UTRN: variants seen among roughly 807,000 people sequenced by gnomAD.
The protein encoded by UTRN is utrophin.
In UTRN, 283 loss-of-function variants were observed where a neutral mutation model predicts 463.9. The observed-to-expected ratio is 0.61, with a 90% CI of 0.55 to 0.67. The LOEUF (loss-of-function observed/expected upper bound fraction) is 0.67, where lower values mean the gene tolerates loss of function less well. Ranked by LOEUF, UTRN falls within the 30% of genes least tolerant of loss-of-function variation. The probability of loss-of-function intolerance (pLI) is 0.00; values close to 1 mark genes in which losing one functional copy is unlikely to be tolerated. For synonymous variants in UTRN, 1,442 were observed against 1,431.5 expected, an observed-to-expected ratio of 1.01 and a Z score of -0.17; for missense variants, 3,922 against 4,084.3, an observed-to-expected ratio of 0.96 and a Z score of 1.08.
At position 144,602,462 on chromosome 6, in the gene UTRN, A is replaced by T. The variant is rs372917944; in HGVS notation, c.7479+25174A>T. ...CCTCCTACAGCATATTTCTCATCAC[A>T]AAAGATCACCAAACTTCTAAATAAA... On this transcript the variant is annotated intron_variant, in intron 51 of 74. Transcript: ENST00000367545. Among the ~76,000 whole-genome samples the T allele has an allele frequency of 1.1e-4, 16 of 152,258 alleles. No homozygotes were observed. In the East Asian group the frequency reaches 3.1e-3, roughly 29 times the overall value.
chr6:144,662,493 TC>T (rs1779974466), intron 51 of UTRN, among the ~76,000 whole-genome samples: 1 of 152,204 alleles, frequency 6.6e-6, no homozygotes, highest in Admixed American at 6.5e-5. Flanking sequence ...TCCTGTCTCT[TC>T]CTCAGTATTA....
chr6:144,708,357 T>TA, intron 53 of UTRN: 2 of 659,796 alleles, frequency 3.0e-6, no homozygotes, highest in Non-Finnish European at 5.8e-6. Flanking sequence ...ACTGAATCGA[T>TA]AAAAAAGAGT....
intron 2 of UTRN, among the ~76,000 whole-genome samples, chr6:144,317,709 C>G (rs1358896431): frequency 1.3e-5 from 2 of 152,176 alleles, no homozygotes; most frequent in Non-Finnish European, 1.5e-5. Context: ...AATCTGGTAT[C>G]TTGATAAATT....
chr6:144,777,069 C>T (rs915742670), intron 60 of UTRN, among the ~76,000 whole-genome samples: 1 of 152,094 alleles, frequency 6.6e-6, no homozygotes, highest in South Asian at 2.1e-4. Flanking sequence ...GCTTCTCCAT[C>T]ATGGGATGGA....
At chr6:144,676,284 G>A (rs1371800760) in intron 51 of UTRN, among the ~76,000 whole-genome samples, 2 of 151,988 alleles carry the variant, frequency 1.3e-5, no homozygotes, top group Non-Finnish European at 2.9e-5. Flanking sequence ...TTATTTACAT[G>A]CCAAATATAT....
At chr6:144,822,772 CT>C (rs139851707) in intron 66 of UTRN, among the ~76,000 whole-genome samples, 16,515 of 151,826 alleles carry the variant, frequency 0.11, 1,580 homozygotes, top group Admixed American at 0.32. Flanking sequence ...CAAAATTGTA[CT>C]TTTTTTGTAT....
chr6:144,599,719 C>A (rs966067159), intron 51 of UTRN, among the ~76,000 whole-genome samples: 4 of 152,142 alleles, frequency 2.6e-5, no homozygotes, highest in African/African-American at 9.7e-5. Context: ...ATAAAACTTA[C>A]CAGTTAACCA....
chr6:144,838,547 G>A (rs746246943), intron 71 of UTRN, among the ~76,000 whole-genome samples: 5 of 152,192 alleles, frequency 3.3e-5, no homozygotes, highest in Non-Finnish European at 5.9e-5. Context: ...ATTTGCGTGA[G>A]TGCCTTTACG....
chr6:144,310,535 CAAAAAAA>C (rs59215811), intron 2 of UTRN, among the ~76,000 whole-genome samples: 1 of 92,052 alleles, frequency 1.1e-5, no homozygotes, highest in Non-Finnish European at 2.2e-5. Context: ...AACTCCGTCT[CAAAAAAA>C]AAAAAAAAAA....
chr6:144,690,291 C>G (rs1299343293), intron 52 of UTRN, among the ~76,000 whole-genome samples: 2 of 151,394 alleles, frequency 1.3e-5, no homozygotes, highest in African/African-American at 4.9e-5. Flanking sequence ...GCACAGCTGC[C>G]TCTGCTGCAC....
chr6:144,506,994 A>C (rs1432493113), intron 34 of UTRN, among the ~76,000 whole-genome samples: 1 of 151,296 alleles, frequency 6.6e-6, no homozygotes, highest in African/African-American at 2.4e-5. Flanking sequence ...TCTTATCTTC[A>C]CACTTTATTT....
chr6:144,583,212 A>G (rs1026413732), intron 51 of UTRN: 4 of 334,094 alleles, frequency 1.2e-5, no homozygotes, highest in African/African-American at 8.4e-5. Context: ...CTGCTCGACA[A>G]CTTCCTTCAT....
chr6:144,510,243 G>A (rs1193393221), intron 34 of UTRN, among the ~76,000 whole-genome samples: 1 of 152,094 alleles, frequency 6.6e-6, no homozygotes, highest in Non-Finnish European at 1.5e-5. Context: ...TTTAATTGTG[G>A]AACTCATGCT....
intron 51 of UTRN, among the ~76,000 whole-genome samples, chr6:144,626,257 A>G (rs866815472): frequency 6.6e-6 from 1 of 152,206 alleles, no homozygotes; most frequent in Admixed American, 6.5e-5. Flanking sequence ...CAAACATCTG[A>G]AAAACTCTCC....
intron 62 of UTRN, 70 bp downstream of exon 62, chr6:144,789,349 CTTAAA>C: frequency 3.1e-6 from 4 of 1,289,604 alleles, no homozygotes; most frequent in Non-Finnish European, 4.3e-6. Flanking sequence ...TTATTGGAAA[CTTAAA>C]TTATATAATT....
Position 144,438,842 on chromosome 6 carries a change from TG to T in UTRN, c.1340del (p.Cys447SerfsTer7). ...GGAGCGCATTCAGAAGATGGAAACTTGCCCCCTGGATGATGATGTAAAATCT... is the reference window on the plus strand; with the variant it reads ...GGAGCGCATTCAGAAGATGGAAACTTCCCCCTGGATGATGATGTAAAATCT... The part of the protein sequence containing the change: ...TEERIQKMET[C>X]PLDDDVKSLQ... On this transcript the variant is annotated frameshift_variant, in exon 12 of 75. Coordinates refer to ENST00000367545, the MANE Select transcript of UTRN (RefSeq NM_007124.3). LOFTEE classifies it high-confidence loss of function. The T allele has an allele frequency of 6.2e-7, 1 of 1,614,210 alleles. No homozygotes were observed. Among genetic ancestry groups the T allele is most frequent in the Non-Finnish European group, 8.5e-7 (1 of 1,180,030 alleles).
At chr6:144,309,505 C>T (rs1806053912) in intron 2 of UTRN, among the ~76,000 whole-genome samples, 1 of 152,182 alleles carries the variant, frequency 6.6e-6, no homozygotes, top group African/African-American at 2.4e-5. Flanking sequence ...CTTTGTAGTC[C>T]TTTCTTTCTC....
intron 23 of UTRN, among the ~76,000 whole-genome samples, chr6:144,466,234 C>G (rs760416112): frequency 1.3e-5 from 2 of 152,238 alleles, no homozygotes; most frequent in Non-Finnish European, 2.9e-5. Context: ...TTCATTGATA[C>G]AGCACATTTA....
chr6:144,847,164 TA>T (rs57490995), intron 74 of UTRN, among the ~76,000 whole-genome samples: 161 of 149,910 alleles, frequency 1.1e-3, no homozygotes, highest in African/African-American at 3.7e-3. Flanking sequence ...AACATTGACC[TA>T]AAAAAAAAAT....
Sources: gnomAD v4.1 joint callset for allele counts (sites outside exome capture counted in the v4.1 genomes callset) on GRCh38, gnomAD v4.1.1 for gene constraint, MANE v1.5 for transcripts, NCBI Gene and HGNC (gene_info 2026-07-23, HGNC 2026-07-21) for gene names.